Variants in CMSS1 observed in about 807,000 individuals in gnomAD.
CMSS1 encodes the protein protein CMSS1.
Under a neutral mutation model 43.5 loss-of-function variants are expected in CMSS1, and 33 were observed. The observed-to-expected ratio is 0.76, with a 90% CI of 0.57 to 1.01. The LOEUF (loss-of-function observed/expected upper bound fraction) is 1.01. CMSS1 is among the 50% of genes least tolerant of loss of function. The pLI is 0.00. For missense variants in CMSS1, 313 were observed against 326.4 expected (o/e 0.96, Z 0.32); for synonymous variants, 115 against 117.2 (o/e 0.98, Z 0.12).
At chr3:100,073,072 A>T (rs1041393032) in intron 1 of CMSS1, among the ~76,000 whole-genome samples, 1 of 152,242 alleles carries the variant, frequency 6.6e-6, no homozygotes, top group Non-Finnish European at 1.5e-5. Context: ...TGTTCATAAT[A>T]AAATGGAAAC....
intron 1 of CMSS1, among the ~76,000 whole-genome samples, chr3:100,060,615 G>A (rs2065546757): frequency 6.6e-6 from 1 of 152,134 alleles, no homozygotes; most frequent in African/African-American, 2.4e-5. Context: ...AGCACTTTGG[G>A]AGGCTGAAGC....
chr3:100,028,599 AC>A (rs1382916980), intron 1 of CMSS1, among the ~76,000 whole-genome samples: 5 of 152,208 alleles, frequency 3.3e-5, no homozygotes, highest in African/African-American at 7.2e-5. Flanking sequence ...ATATGTATTT[AC>A]CTAGTAGGCA....
chr3:100,053,411 G>A (rs1413243734), intron 1 of CMSS1, among the ~76,000 whole-genome samples: 1 of 152,132 alleles, frequency 6.6e-6, no homozygotes, highest in Non-Finnish European at 1.5e-5. Flanking sequence ...TCCTTGGCTT[G>A]TGGCAGCATA....
At chr3:99,995,220 G>A (rs530375341) in intron 1 of CMSS1, among the ~76,000 whole-genome samples, 1 of 152,292 alleles carries the variant, frequency 6.6e-6, no homozygotes, top group South Asian at 2.1e-4. Flanking sequence ...CCAAATGGAA[G>A]AAATTGGCCA....
At chr3:99,851,313 G>A (rs557158756) in intron 1 of CMSS1, among the ~76,000 whole-genome samples, 10 of 152,278 alleles carry the variant, frequency 6.6e-5, no homozygotes, top group African/African-American at 2.4e-4. Flanking sequence ...TAGTAAAAGA[G>A]TAAGGGCAAG....
intron 1 of CMSS1, among the ~76,000 whole-genome samples, chr3:99,902,737 A>G (rs1218656296): frequency 6.6e-6 from 1 of 152,214 alleles, no homozygotes; most frequent in Admixed American, 6.5e-5. Context: ...AGGCATATCC[A>G]TGTTATGCTT....
intron 1 of CMSS1, among the ~76,000 whole-genome samples, chr3:100,013,292 G>A (rs1459972048): frequency 6.6e-6 from 1 of 152,014 alleles, no homozygotes; most frequent in Non-Finnish European, 1.5e-5. Flanking sequence ...CACCCAGGCT[G>A]GAGTGCAGTG....
chr3:100,037,546 G>A (rs2065129321), intron 1 of CMSS1, among the ~76,000 whole-genome samples: 3 of 152,028 alleles, frequency 2.0e-5, no homozygotes, highest in Non-Finnish European at 4.4e-5. Flanking sequence ...ATAAACTGAG[G>A]AATACAAAAT....
At chr3:100,156,339 G>A (rs557493853) in intron 2 of CMSS1, among the ~76,000 whole-genome samples, 5 of 120,186 alleles carry the variant, frequency 4.2e-5, no homozygotes, top group South Asian at 2.6e-4. Flanking sequence ...GGCAGAGTTC[G>A]GCTCTGTCAC....
chr3:100,158,446 G>C (rs1225582629), intron 2 of CMSS1, among the ~76,000 whole-genome samples: 1 of 152,142 alleles, frequency 6.6e-6, no homozygotes, highest in Non-Finnish European at 1.5e-5. Context: ...GTCTCCCTGA[G>C]GGTAAACAGC....
At chr3:100,050,287 C>G (rs1215768060) in intron 1 of CMSS1, among the ~76,000 whole-genome samples, 1 of 152,088 alleles carries the variant, frequency 6.6e-6, no homozygotes, top group Non-Finnish European at 1.5e-5. Flanking sequence ...TTTAAATGTG[C>G]CCTCTAATGA....
At chr3:100,079,006 A>G (rs981885577) in intron 1 of CMSS1, among the ~76,000 whole-genome samples, 42 of 152,356 alleles carry the variant, frequency 2.8e-4, no homozygotes, top group African/African-American at 7.7e-4. Context: ...ACGTTGGACA[A>G]GCTTGGACTA....
At chr3:100,067,243 TCCCTACTCAAAC>T (rs897134723) in intron 1 of CMSS1, among the ~76,000 whole-genome samples, 62 of 152,180 alleles carry the variant, frequency 4.1e-4, no homozygotes, top group African/African-American at 1.5e-3. Flanking sequence ...AAGTAAGGTA[TCCCTACTCAAAC>T]TGAATTACCA....
chr3:99,885,422 C>T (rs746990448), intron 1 of CMSS1, among the ~76,000 whole-genome samples: 14 of 152,274 alleles, frequency 9.2e-5, no homozygotes, highest in Admixed American at 2.0e-4. Context: ...TAGACTATGC[C>T]CCTTAGAGTT....
intron 1 of CMSS1, among the ~76,000 whole-genome samples, chr3:99,995,982 G>T: frequency 6.6e-6 from 1 of 152,228 alleles, no homozygotes. Flanking sequence ...CATTGTCTTG[G>T]TGATTAACAT....
intron 1 of CMSS1, among the ~76,000 whole-genome samples, chr3:100,060,370 A>G (rs2065541957): frequency 6.6e-6 from 1 of 152,114 alleles, no homozygotes; most frequent in Non-Finnish European, 1.5e-5. Flanking sequence ...TCCAAAAACC[A>G]TCTTCCTGAT....
chr3:99,989,726 G>T (rs1709457917), intron 1 of CMSS1, among the ~76,000 whole-genome samples: 1 of 149,680 alleles, frequency 6.7e-6, no homozygotes, highest in Admixed American at 6.7e-5. Flanking sequence ...AAGGAACAAA[G>T]TAAGGTAATC....
chr3:99,867,617 C>CT (rs1349506032), intron 1 of CMSS1, among the ~76,000 whole-genome samples: 1 of 152,150 alleles, frequency 6.6e-6, no homozygotes, highest in Non-Finnish European at 1.5e-5. Context: ...GTCACCTTAG[C>CT]TGCAACATGG....
At chr3:100,136,153 A>G (rs2066751310) in intron 1 of CMSS1, among the ~76,000 whole-genome samples, 1 of 152,208 alleles carries the variant, frequency 6.6e-6, no homozygotes, top group Admixed American at 6.5e-5. Flanking sequence ...ATCCAGAAGC[A>G]TTTGTTTTGT....
Sources: gnomAD v4.1 joint callset for allele counts (sites outside exome capture counted in the v4.1 genomes callset) on GRCh38, gnomAD v4.1.1 for gene constraint, MANE v1.5 for transcripts, NCBI Gene and HGNC (gene_info 2026-07-23, HGNC 2026-07-21) for gene names.